The following MRE11 variants were observed in gnomAD, a reference collection of about 807,000 sequenced individuals.
MRE11 encodes MRE11 double strand break repair nuclease.
A neutral mutation model predicts 91.7 loss-of-function variants in MRE11; 62 were observed. The observed-to-expected ratio is 0.68, with a 90% CI of 0.55 to 0.84. The LOEUF is 0.84. MRE11 is among the 40% of genes least tolerant of loss of function. The probability of loss-of-function intolerance (pLI) is 0.00; values close to 1 mark genes in which losing one functional copy is unlikely to be tolerated. For synonymous variants in MRE11, 273 were observed against 271.4 expected (o/e 1.01, Z -0.06); for missense variants, 796 against 852.9 (o/e 0.93, Z 0.83).
chr11:94,491,014 G>C, intron 2 of MRE11, 49 bp from the exon 3 acceptor site: 1 of 1,110,342 alleles, frequency 9.0e-7, no homozygotes, highest in Non-Finnish European at 1.3e-6. Context: ...ATTCATTAAA[G>C]GATATTCAAA....
chr11:94,476,273 C>T lies in MRE11; in HGVS notation c.659+16G>A. ...CCTCAGCACTTGGCTCAAACTTTTT[C>T]AGAGAAAAGTTTTACCTGTTCTGAT... On this transcript the variant is annotated intron_variant, in intron 7 of 19. Coordinates refer to ENST00000323929, the MANE Select transcript of MRE11 (RefSeq NM_005591.4). The T allele has an allele frequency of 6.4e-7, 1 of 1,568,540 alleles. No homozygotes were observed. Among genetic ancestry groups the T allele is most frequent in the Non-Finnish European group, 8.8e-7 (1 of 1,138,976 alleles).
At chr11:94,503,389 A>G in the MRE11 span, among the ~76,000 whole-genome samples, 4 of 152,164 alleles carry the variant, frequency 2.6e-5, no homozygotes, top group East Asian at 1.9e-4. Context: ...GTTGAAAATC[A>G]TAAGAGCCAA....
At chr11:94,448,432 A>C (rs75255321) in intron 14 of MRE11, among the ~76,000 whole-genome samples, 5,109 of 151,682 alleles carry the variant, frequency 0.034, 317 homozygotes, top group African/African-American at 0.12. Context: ...CAAAAAAAAA[A>C]CACAAAAGAA....
At chr11:94,433,770 T>G (rs1000447663) in intron 18 of MRE11, among the ~76,000 whole-genome samples, 2 of 152,208 alleles carry the variant, frequency 1.3e-5, no homozygotes, top group African/African-American at 4.8e-5. Context: ...CTCTTTGTTT[T>G]GTAATTGCCC....
intron 19 of MRE11, among the ~76,000 whole-genome samples, chr11:94,425,865 C>T (rs1205476632): frequency 6.6e-6 from 1 of 152,164 alleles, no homozygotes; most frequent in African/African-American, 2.4e-5. Context: ...AAGACTCAGA[C>T]AGCAACAGAG....
intron 11 of MRE11, among the ~76,000 whole-genome samples, chr11:94,463,823 C>A (rs1344518440): frequency 1.3e-5 from 2 of 152,008 alleles, no homozygotes; most frequent in Non-Finnish European, 2.9e-5. Context: ...AGAGCAATAC[C>A]TAATGTAAAT....
intron 13 of MRE11, among the ~76,000 whole-genome samples, chr11:94,456,773 C>T (rs1946258624): frequency 6.6e-6 from 1 of 152,082 alleles, no homozygotes; most frequent in African/African-American, 2.4e-5. Context: ...AGTGGGTGGC[C>T]CCTGAAGATC....
intron 16 of MRE11, among the ~76,000 whole-genome samples, chr11:94,444,047 C>T (rs1184414908): frequency 6.6e-6 from 1 of 151,144 alleles, no homozygotes; most frequent in Non-Finnish European, 1.5e-5. Context: ...GCTGGGACTA[C>T]AGGTGCACGC....
the MRE11 span, among the ~76,000 whole-genome samples, chr11:94,509,683 A>G: frequency 6.6e-6 from 1 of 151,586 alleles, no homozygotes. Context: ...CTCATGATCC[A>G]CTCGCCTCAG....
intron 16 of MRE11, among the ~76,000 whole-genome samples, chr11:94,440,133 A>G (rs978603131): frequency 6.6e-6 from 1 of 152,244 alleles, no homozygotes; most frequent in Non-Finnish European, 1.5e-5. Context: ...AAAAGGTACC[A>G]TAATAAGATT....
chr11:94,445,984 A>C (rs982338748), intron 15 of MRE11, 91 bp from the exon 16 acceptor site: 28 of 951,866 alleles, frequency 2.9e-5, no homozygotes, highest in Non-Finnish European at 4.5e-5. Context: ...AAATAAACTT[A>C]TGTCAAATAG....
intron 12 of MRE11, among the ~76,000 whole-genome samples, chr11:94,460,025 G>C (rs1317603792): frequency 2.0e-5 from 3 of 152,148 alleles, no homozygotes; most frequent in Non-Finnish European, 4.4e-5. Context: ...AAGCACAAGA[G>C]GGAGGCAGAT....
intron 18 of MRE11, among the ~76,000 whole-genome samples, chr11:94,434,580 G>A (rs1021028614): frequency 6.6e-6 from 1 of 152,050 alleles, no homozygotes; most frequent in African/African-American, 2.4e-5. Flanking sequence ...TGGAGTTCCT[G>A]CTCATGCCCT....
chr11:94,437,133 A>C (rs1209883992), intron 17 of MRE11, 44 bp downstream of exon 17: 1 of 1,515,280 alleles, frequency 6.6e-7, no homozygotes, highest in Non-Finnish European at 9.1e-7. Flanking sequence ...ATAATGCAGA[A>C]AACATAAATT....
intron 13 of MRE11, among the ~76,000 whole-genome samples, chr11:94,457,855 T>C (rs1455520428): frequency 7.2e-6 from 1 of 138,356 alleles, no homozygotes; most frequent in African/African-American, 2.8e-5. Context: ...ACACACACTC[T>C]TTCTCTTTCT....
chr11:94,463,661 C>T (rs1051535720), intron 11 of MRE11, among the ~76,000 whole-genome samples: 1 of 152,088 alleles, frequency 6.6e-6, no homozygotes, highest in Non-Finnish European at 1.5e-5. Flanking sequence ...AACCATCATT[C>T]TGAGCAAACT....
chr11:94,502,964 C>T, the MRE11 span, among the ~76,000 whole-genome samples: 13 of 152,172 alleles, frequency 8.5e-5, no homozygotes, highest in Admixed American at 7.2e-4. Context: ...CTTGAGCCAC[C>T]ATGCTTGGCC....
At position 94,419,698 on chromosome 11, in the gene MRE11, C is replaced by T. The variant is rs1238321966; in HGVS notation, c.*427G>A. On this transcript the variant is annotated 3_prime_UTR_variant, in exon 20 of 20. Coordinates refer to ENST00000323929, the MANE Select transcript of MRE11 (RefSeq NM_005591.4). ...ATAAGAAGCATTGGAAAAAAACATACATAGTAACAAACAGTGAATTTAGAC... is the reference window on the plus strand; with the variant it reads ...ATAAGAAGCATTGGAAAAAAACATATATAGTAACAAACAGTGAATTTAGAC... 2 of 237,362 alleles carry T rather than the reference C, an allele frequency of 8.4e-6. No homozygotes were observed. Among genetic ancestry groups the T allele is most frequent in the African/African-American group, 2.2e-5 (1 of 45,360 alleles). 14.7% of individuals were successfully genotyped at this position (237,362 alleles called of 1,614,324 possible). A position where few individuals can be genotyped will look rare whatever the true frequency, so the allele number is the denominator to read the frequency against.
chr11:94,444,584 T>C (rs1208567743), intron 16 of MRE11, among the ~76,000 whole-genome samples: 1 of 152,182 alleles, frequency 6.6e-6, no homozygotes, highest in Non-Finnish European at 1.5e-5. Context: ...TTAAATGCTG[T>C]TTAAAATATC....
Sources: gnomAD v4.1 joint callset for allele counts (sites outside exome capture counted in the v4.1 genomes callset) on GRCh38, gnomAD v4.1.1 for gene constraint, MANE v1.5 for transcripts, NCBI Gene and HGNC (gene_info 2026-07-23, HGNC 2026-07-21) for gene names.